Variants in PGPEP1L observed in about 807,000 individuals in gnomAD.
PGPEP1L encodes pyroglutamyl-peptidase 1-like protein.
In PGPEP1L, 7 loss-of-function variants were observed where a neutral mutation model predicts 6.0. The observed-to-expected ratio is 1.17, with a 90% CI of 0.66 to 2.19. The LOEUF (loss-of-function observed/expected upper bound fraction) is 2.19, where lower values mean the gene tolerates loss of function less well. Among genes scored for constraint, PGPEP1L ranks in the 30% most tolerant of loss-of-function variants. The pLI is 0.00. For synonymous variants in PGPEP1L, 103 were observed against 83.9 expected (o/e 1.23, Z -1.24); for missense variants, 209 against 192.5 (o/e 1.09, Z -0.51).
chr15:98,973,124 C>G (rs1230023425), intron 2 of PGPEP1L, among the ~76,000 whole-genome samples: 1 of 152,074 alleles, frequency 6.6e-6, no homozygotes, highest in East Asian at 1.9e-4. Context: ...AGAAGAACAT[C>G]ATATAATGAC....
At chr15:98,987,588 G>A (rs900508564) in intron 2 of PGPEP1L, among the ~76,000 whole-genome samples, 8 of 152,088 alleles carry the variant, frequency 5.3e-5, no homozygotes, top group African/African-American at 1.4e-4. Flanking sequence ...CTTGTTCTAT[G>A]GGGTGATTTT....
At chr15:98,978,877 G>A (rs11637502) in intron 2 of PGPEP1L, among the ~76,000 whole-genome samples, 61,339 of 150,646 alleles carry the variant, frequency 0.41, 13,787 homozygotes, top group South Asian at 0.58. Context: ...CTACAGGCAC[G>A]CGCCATCACG....
chr15:99,006,453 G>C (rs2018064242), intron 1 of PGPEP1L, among the ~76,000 whole-genome samples: 1 of 152,234 alleles, frequency 6.6e-6, no homozygotes, highest in Non-Finnish European at 1.5e-5. Flanking sequence ...AACTGAAAAA[G>C]GCTAACATTT....
intron 2 of PGPEP1L, among the ~76,000 whole-genome samples, chr15:98,999,853 T>C (rs1555472782): frequency 6.6e-6 from 1 of 152,226 alleles, no homozygotes; most frequent in African/African-American, 2.4e-5. Flanking sequence ...AATGAAGTAC[T>C]GATACATGCT....
chr15:99,001,938 G>C (rs548387997), intron 2 of PGPEP1L, among the ~76,000 whole-genome samples: 19 of 152,174 alleles, frequency 1.2e-4, no homozygotes, highest in Middle Eastern at 3.4e-3. Flanking sequence ...GGCTGGTCTC[G>C]AACTCCTGCC....
At chr15:99,007,119 C>G (rs2018083188) in intron 1 of PGPEP1L, among the ~76,000 whole-genome samples, 1 of 152,200 alleles carries the variant, frequency 6.6e-6, no homozygotes, top group South Asian at 2.1e-4. Flanking sequence ...TAATTAGCTC[C>G]TGGTGTGGGC....
At chr15:98,999,480 G>C (rs943951681) in intron 2 of PGPEP1L, among the ~76,000 whole-genome samples, 2 of 152,190 alleles carry the variant, frequency 1.3e-5, no homozygotes, top group Non-Finnish European at 2.9e-5. Context: ...CACATTGCTG[G>C]TGGGAATATA....
intron 1 of PGPEP1L, among the ~76,000 whole-genome samples, chr15:99,006,246 C>T (rs1350075255): frequency 4.6e-5 from 7 of 152,188 alleles, no homozygotes; most frequent in Non-Finnish European, 8.8e-5. Flanking sequence ...CTTCATCAGC[C>T]CTGAGGAACA....
intron 2 of PGPEP1L, among the ~76,000 whole-genome samples, chr15:98,982,702 T>TTTTTTTTTTTTTTTTTTTTC: frequency 6.5e-5 from 1 of 15,444 alleles, no homozygotes; most frequent in Non-Finnish European, 1.1e-4. Context: ...ATCTGAGGCT[T>TTTTTTTTTTTTTTTTTTTTC]TTTTTTTTTT....
chr15:99,006,228 G>A (rs1250776288), intron 1 of PGPEP1L, among the ~76,000 whole-genome samples: 4 of 152,216 alleles, frequency 2.6e-5, no homozygotes, highest in East Asian at 1.9e-4. Flanking sequence ...CCCAGGCACT[G>A]TCCCCAGCTT....
At chr15:99,006,163 C>A (rs1474144297) in intron 1 of PGPEP1L, among the ~76,000 whole-genome samples, 1 of 152,238 alleles carries the variant, frequency 6.6e-6, no homozygotes, top group East Asian at 1.9e-4. Flanking sequence ...CTCAGGTTTC[C>A]TGTTTTGAGA....
chr15:98,985,219 C>A (rs1367132194), intron 2 of PGPEP1L, among the ~76,000 whole-genome samples: 1 of 152,116 alleles, frequency 6.6e-6, no homozygotes, highest in East Asian at 1.9e-4. Flanking sequence ...TCCTCAGGTT[C>A]TTCTATCTCT....
At position 99,005,662 on chromosome 15, in the gene PGPEP1L, G is replaced by A. The variant is rs190798931; in HGVS notation, c.-369-6C>T. The A allele has an allele frequency of 1.3e-5, 2 of 152,312 alleles. No homozygotes were observed. The highest frequency in any genetic ancestry group is 6.5e-5 in the Admixed American group (1 of 15,288). 9.4% of individuals were successfully genotyped at this position (152,312 alleles called of 1,614,324 possible). ...GGCCCCGAAAGGCCAAGGATCTAGG[G>A]GAGGGTGATAAAGCAATGCCCCTTG... On this transcript the variant is annotated splice_region_variant and splice_polypyrimidine_tract_variant and intron_variant, in intron 1 of 4. Coordinates refer to ENST00000535714, the MANE Select transcript of PGPEP1L (RefSeq NM_001167902.2).
intron 2 of PGPEP1L, among the ~76,000 whole-genome samples, chr15:98,981,461 G>C (rs1243417498): frequency 1.4e-5 from 2 of 144,936 alleles, no homozygotes; most frequent in Non-Finnish European, 3.0e-5. Context: ...CTGCACTCCA[G>C]CCTGGGCAAC....
At chr15:98,993,655 C>A (rs2017848086) in intron 2 of PGPEP1L, among the ~76,000 whole-genome samples, 1 of 124,134 alleles carries the variant, frequency 8.1e-6, no homozygotes, top group Non-Finnish European at 1.7e-5. Context: ...GGGTGGGCAT[C>A]ACACACCGGG....
chr15:98,981,291 G>T (rs1326704948), intron 2 of PGPEP1L, among the ~76,000 whole-genome samples: 1 of 152,030 alleles, frequency 6.6e-6, no homozygotes, highest in Admixed American at 6.5e-5. Flanking sequence ...AGGAGATCCA[G>T]ACCATCCTGG....
chr15:98,977,481 T>C (rs2017587125), intron 2 of PGPEP1L, among the ~76,000 whole-genome samples: 1 of 152,254 alleles, frequency 6.6e-6, no homozygotes, highest in South Asian at 2.1e-4. Flanking sequence ...GTTTCCAAAA[T>C]TTAGGAAATT....
chr15:98,985,719 C>CA (rs1335206111), intron 2 of PGPEP1L, among the ~76,000 whole-genome samples: 8 of 152,226 alleles, frequency 5.3e-5, no homozygotes, highest in African/African-American at 1.9e-4. Context: ...TATGTGCCCT[C>CA]AGGCCAGATG....
intron 2 of PGPEP1L, among the ~76,000 whole-genome samples, chr15:99,000,481 A>ACG (rs1298717580): frequency 1.3e-5 from 2 of 152,066 alleles, no homozygotes; most frequent in Non-Finnish European, 2.9e-5. Flanking sequence ...TCTGGTGGGG[A>ACG]TGGAGAACCT....
Sources: allele counts gnomAD v4.1 joint callset (sites outside exome capture counted in the v4.1 genomes callset), GRCh38; gene constraint gnomAD v4.1.1; transcripts MANE v1.5; gene names NCBI Gene and HGNC (gene_info 2026-07-23, HGNC 2026-07-21).